Variants in AGXT2 observed in about 807,000 individuals in gnomAD.
AGXT2 encodes alanine--glyoxylate aminotransferase 2, mitochondrial.
A neutral mutation model predicts 62.5 loss-of-function variants in AGXT2; 61 were observed. The observed-to-expected ratio is 0.98, with a 90% CI of 0.79 to 1.21. The LOEUF is 1.21. Among genes scored for constraint, AGXT2 ranks in the 50% most tolerant of loss-of-function variants. The pLI is 0.00. For missense variants in AGXT2, 666 were observed against 641.5 expected (o/e 1.04, Z -0.41); for synonymous variants, 243 against 218.7 (o/e 1.11, Z -0.98).
In AGXT2 at chr5:35,040,592, T is replaced by G; in HGVS notation, c.160A>C (p.Met54Leu). Residue 54 changes from methionine (M) to leucine (L), a missense_variant, in exon 2 of 14, where the codon ATG becomes CTG. By Grantham distance (15) the Met-to-Leu change is conservative (BLOSUM62 2). Coordinates refer to ENST00000231420, the MANE Select transcript of AGXT2 (RefSeq NM_031900.4). ...TKPRMPPCDF[M>L]PERYQSLGYN... ...AATCTCACCTGGTATCTTTCAGGCA[T>G]GAAGTCACATGGAGGCATTCTGGGC... 1 of 1,613,888 alleles carries G rather than the reference T, an allele frequency of 6.2e-7. No individual in the cohort carries two copies. The highest frequency in any genetic ancestry group is 1.7e-5 in the Admixed American group (1 of 60,028).
Position 34,998,670 on chromosome 5 carries a change from A to G in AGXT2, c.*49T>C, listed in dbSNP as rs768082878. 17 of 1,469,406 alleles carry G rather than the reference A, an allele frequency of 1.2e-5. No homozygotes were observed. Among genetic ancestry groups the G allele is most frequent in the Admixed American group, 6.7e-5 (4 of 59,656 alleles). The allele number at this position is 1,469,406 out of a possible 1,614,324, so 91.0% of individuals were successfully genotyped here. On this transcript the variant is annotated 3_prime_UTR_variant, in exon 14 of 14. Coordinates refer to ENST00000231420, the MANE Select transcript of AGXT2 (RefSeq NM_031900.4). ...AAATTCTTCAAATTCACCCTTGAAC[A>G]TACGTGGCAAATTCTTGAGACTTGT...
chr5:35,039,941 T>C (rs1283587802), intron 2 of AGXT2, among the ~76,000 whole-genome samples: 1 of 152,228 alleles, frequency 6.6e-6, no homozygotes, highest in Non-Finnish European at 1.5e-5. Flanking sequence ...ATATCTCTCC[T>C]GTATTTCTCT....
intron 13 of AGXT2, 117 bp from the exon 14 acceptor site, chr5:34,998,943 C>T: frequency 1.2e-6 from 1 of 806,100 alleles, no homozygotes; most frequent in Non-Finnish European, 2.1e-6. Context: ...TCATGTTTCT[C>T]TCAGTTTGGT....
At chr5:35,041,746 G>A (rs189796460) in intron 1 of AGXT2, among the ~76,000 whole-genome samples, 1 of 152,172 alleles carries the variant, frequency 6.6e-6, no homozygotes, top group Admixed American at 6.5e-5. Flanking sequence ...TGGCTATGAA[G>A]TCACAGTCCT....
intron 5 of AGXT2, among the ~76,000 whole-genome samples, 183 bp downstream of exon 5, chr5:35,035,039 G>A (rs757015911): frequency 4.7e-4 from 71 of 152,110 alleles, no homozygotes; most frequent in Non-Finnish European, 9.3e-4. Context: ...CTTGTATCAG[G>A]CCAACTTGAA....
At chr5:35,006,098 T>C (rs761082261) in intron 12 of AGXT2, among the ~76,000 whole-genome samples, 3 of 152,222 alleles carry the variant, frequency 2.0e-5, no homozygotes, top group Admixed American at 6.5e-5. Context: ...CATCTTTCCA[T>C]GTCAGTATAT....
rs1222362942 is a variant in AGXT2, at chr5:35,038,814, T to G, written c.362+510A>C. Among the ~76,000 whole-genome samples, 13 of 152,198 alleles carry G rather than the reference T, an allele frequency of 8.5e-5. 1 individual carries two copies. Among genetic ancestry groups the G allele is most frequent in the Non-Finnish European group, 1.9e-4 (13 of 68,044 alleles). ...TATACCGTCAACACTGCAGACAATC[T>G]CTAGATTAATTGATCCATACATTTC... On this transcript the variant is annotated intron_variant, in intron 3 of 13. Transcript: ENST00000231420.
At chr5:35,017,719 C>T (rs558569229) in intron 9 of AGXT2, among the ~76,000 whole-genome samples, 109 of 152,244 alleles carry the variant, frequency 7.2e-4, no homozygotes, top group East Asian at 1.3e-3. Context: ...CAAAGCTGGA[C>T]GGAGAATGAC....
intron 4 of AGXT2, among the ~76,000 whole-genome samples, chr5:35,036,533 A>C (rs183709036): frequency 3.3e-5 from 5 of 152,362 alleles, no homozygotes; most frequent in Admixed American, 2.0e-4. Flanking sequence ...CACTGTTTGT[A>C]AAAGAAATGC....
chr5:35,018,091 G>A (rs866757259), intron 9 of AGXT2, among the ~76,000 whole-genome samples: 11 of 152,156 alleles, frequency 7.2e-5, no homozygotes, highest in Admixed American at 3.9e-4. Flanking sequence ...CCAAATCTAC[G>A]TCTGATTGGT....
At chr5:35,024,839 G>A (rs770031828) in intron 9 of AGXT2, among the ~76,000 whole-genome samples, 10 of 152,082 alleles carry the variant, frequency 6.6e-5, no homozygotes, top group African/African-American at 1.2e-4. Flanking sequence ...GTGTGGTGGC[G>A]GATGCCTGTA....
chr5:35,017,441 G>A (rs1332949799), intron 9 of AGXT2, among the ~76,000 whole-genome samples: 4 of 152,222 alleles, frequency 2.6e-5, no homozygotes, highest in African/African-American at 9.6e-5. Flanking sequence ...TTGAATCATG[G>A]GGGTGGTTCC....
At position 35,003,160 on chromosome 5, in the gene AGXT2, G is replaced by A. The variant is rs1172063551; in HGVS notation, c.1437+603C>T. On this transcript the variant is annotated intron_variant, in intron 13 of 13. Transcript: ENST00000231420. ...ATGGCTTTTCAAGGAAGGGAGTGGGGAGGGCTCGACCTCTGAATCTCCCAG... is the reference window on the plus strand; with the variant it reads ...ATGGCTTTTCAAGGAAGGGAGTGGGAAGGGCTCGACCTCTGAATCTCCCAG... Among the ~76,000 whole-genome samples the A allele has an allele frequency of 2.0e-5, 3 of 152,314 alleles. No individual in the cohort carries two copies. The East Asian group carries it at 5.8e-4, about 29-fold the overall frequency.
chr5:35,035,162 C>CTT, intron 5 of AGXT2, 60 bp downstream of exon 5: 3 of 1,368,948 alleles, frequency 2.2e-6, no homozygotes, highest in Non-Finnish European at 3.1e-6. Context: ...TGTAAAGCTA[C>CTT]ACATTTAGAA....
intron 7 of AGXT2, among the ~76,000 whole-genome samples, chr5:35,030,707 T>G (rs1007414342): frequency 1.3e-5 from 2 of 152,148 alleles, no homozygotes; most frequent in African/African-American, 4.8e-5. Context: ...GTGTCTCTTC[T>G]ATGTGGAAAG....
At chr5:35,009,641 C>T (rs1052282126) in intron 12 of AGXT2, among the ~76,000 whole-genome samples, 46 of 152,134 alleles carry the variant, frequency 3.0e-4, no homozygotes, top group African/African-American at 1.1e-3. Context: ...TCACCCCAAA[C>T]CTTCACCATA....
intron 3 of AGXT2, among the ~76,000 whole-genome samples, chr5:35,038,606 C>T (rs1272850646): frequency 6.6e-6 from 1 of 152,190 alleles, no homozygotes; most frequent in Non-Finnish European, 1.5e-5. Context: ...GGACTCTTTG[C>T]CTCCTGCTTT....
At chr5:35,022,384 T>C (rs1293297292) in intron 9 of AGXT2, among the ~76,000 whole-genome samples, 2 of 152,022 alleles carry the variant, frequency 1.3e-5, no homozygotes, top group African/African-American at 4.8e-5. Context: ...CATGGAATAC[T>C]ATGCAGCCAT....
intron 12 of AGXT2, among the ~76,000 whole-genome samples, chr5:35,006,782 A>T (rs1766441981): frequency 6.6e-6 from 1 of 152,182 alleles, no homozygotes; most frequent in Non-Finnish European, 1.5e-5. Context: ...ATATGAGAGT[A>T]CCTATCCTGG....
Sources: allele counts gnomAD v4.1 joint callset (sites outside exome capture counted in the v4.1 genomes callset), GRCh38; gene constraint gnomAD v4.1.1; transcripts MANE v1.5; gene names NCBI Gene and HGNC (gene_info 2026-07-23, HGNC 2026-07-21).